DNAH8: variants seen among roughly 807,000 people sequenced by gnomAD.
DNAH8 encodes dynein axonemal heavy chain 8.
DNAH8 carries 382 observed loss-of-function variants against 562.1 expected under a neutral mutation model. The ratio of observed to expected loss-of-function variants is 0.68; its 90% CI spans 0.63 to 0.74. DNAH8 has a LOEUF of 0.74. DNAH8 is among the 30% of genes least tolerant of loss of function. The pLI, the probability that DNAH8 is intolerant of heterozygous loss-of-function variation, is 0.00. For missense variants in DNAH8, 5,203 were observed against 5,620.4 expected, an observed-to-expected ratio of 0.93 and a Z score of 2.37; for synonymous variants, 1,881 against 1,919.4, an observed-to-expected ratio of 0.98 and a Z score of 0.52.
chr6:38,962,463 G>A (rs1762666106), intron 82 of DNAH8, among the ~76,000 whole-genome samples: 1 of 152,052 alleles, frequency 6.6e-6, no homozygotes, highest in African/African-American at 2.4e-5. Context: ...AAATGAAAGG[G>A]CCAAAATTAG....
At chr6:38,735,520 G>A (rs934618115) in intron 5 of DNAH8, among the ~76,000 whole-genome samples, 1 of 152,070 alleles carries the variant, frequency 6.6e-6, no homozygotes, top group African/African-American at 2.4e-5. Context: ...GCTTTTGCTT[G>A]TTGTCTTCAA....
At chr6:38,737,027 G>A in intron 5 of DNAH8, 40 bp from the exon 6 acceptor site, 3 of 1,409,624 alleles carry the variant, frequency 2.1e-6, no homozygotes, top group Non-Finnish European at 2.8e-6. Context: ...TCTTTAGTGG[G>A]ATTAGCATGT....
At chr6:38,899,931 G>A in intron 62 of DNAH8, 25 bp downstream of exon 62, 1 of 1,505,094 alleles carries the variant, frequency 6.6e-7, no homozygotes, top group Non-Finnish European at 8.9e-7. Flanking sequence ...AACACAATAT[G>A]TTTTTCTATA....
chr6:38,729,863 C>G, intron 3 of DNAH8, 39 bp from the exon 4 acceptor site: 4 of 1,082,824 alleles, frequency 3.7e-6, no homozygotes, highest in Non-Finnish European at 5.5e-6. Context: ...AGAATTTTTC[C>G]TTAGTCGTTT....
chr6:38,968,250 A>G (rs905682994), intron 82 of DNAH8, among the ~76,000 whole-genome samples: 1 of 152,198 alleles, frequency 6.6e-6, no homozygotes, highest in South Asian at 2.1e-4. Flanking sequence ...GGTTTTCTAG[A>G]TATGAAACCA....
intron 44 of DNAH8, among the ~76,000 whole-genome samples, chr6:38,863,130 T>A (rs758576687): frequency 7.2e-5 from 11 of 152,072 alleles, no homozygotes; most frequent in Non-Finnish European, 1.6e-4. Context: ...AGGTGCAGAT[T>A]CACTATGTTT....
At chr6:38,848,596 C>A (rs763589977) in intron 36 of DNAH8, 52 bp from the exon 37 acceptor site, 3 of 1,464,908 alleles carry the variant, frequency 2.0e-6, no homozygotes, top group Non-Finnish European at 2.8e-6. Context: ...TAAGGCCATA[C>A]TATTTTCTGA....
chr6:38,717,274 C>T (rs1039234918), intron 1 of DNAH8, among the ~76,000 whole-genome samples: 1 of 152,182 alleles, frequency 6.6e-6, no homozygotes, highest in Non-Finnish European at 1.5e-5. Context: ...GTGTGCTTTG[C>T]ATCAGCAGAA....
At chr6:38,760,297 G>A (rs1288608939) in intron 10 of DNAH8, among the ~76,000 whole-genome samples, 4 of 152,074 alleles carry the variant, frequency 2.6e-5, no homozygotes, top group Non-Finnish European at 5.9e-5. Context: ...ATTGTCTCCT[G>A]GGAAGTTGAA....
intron 37 of DNAH8, among the ~76,000 whole-genome samples, chr6:38,849,831 C>T (rs1268488044): frequency 4.0e-5 from 6 of 151,728 alleles, no homozygotes; most frequent in East Asian, 3.9e-4. Context: ...TTTTTTTCCC[C>T]GCCTTGGGGT....
At chr6:38,734,406 G>A in intron 4 of DNAH8, 68 bp from the exon 5 acceptor site, 1 of 1,575,494 alleles carries the variant, frequency 6.3e-7, no homozygotes. Flanking sequence ...TAGTGTAAGA[G>A]CCACAGTAAC....
intron 88 of DNAH8, among the ~76,000 whole-genome samples, chr6:39,006,727 G>T (rs555593658): frequency 6.6e-6 from 1 of 152,298 alleles, no homozygotes; most frequent in South Asian, 2.1e-4. Context: ...ATGAGTAAAT[G>T]TTAACTAATG....
intron 30 of DNAH8, among the ~76,000 whole-genome samples, chr6:38,830,527 T>C (rs1678726): frequency 0.21 from 31,918 of 150,330 alleles, 4,243 homozygotes; most frequent in African/African-American, 0.37. Context: ...CCCAGCTACT[T>C]GGGAGGCTGA....
intron 8 of DNAH8, 50 bp from the exon 9 acceptor site, chr6:38,750,426 C>T (rs760251030): frequency 1.6e-6 from 2 of 1,246,480 alleles, no homozygotes; most frequent in Non-Finnish European, 2.3e-6. Flanking sequence ...AACTTTAGCA[C>T]ACTGATATAT....
chr6:38,927,780 A>ATTAAAT (rs1312668835), intron 74 of DNAH8, among the ~76,000 whole-genome samples: 9 of 152,138 alleles, frequency 5.9e-5, no homozygotes, highest in African/African-American at 2.2e-4. Flanking sequence ...CCATTTCTGG[A>ATTAAAT]TTAAATTTAC....
intron 36 of DNAH8, among the ~76,000 whole-genome samples, chr6:38,848,213 G>C (rs1280038853): frequency 1.3e-5 from 2 of 152,108 alleles, no homozygotes; most frequent in South Asian, 4.1e-4. Context: ...AAAATCCCTG[G>C]ATAGTGTTCT....
chr6:38,795,147 T>G (rs529056284), intron 21 of DNAH8, among the ~76,000 whole-genome samples: 1 of 152,348 alleles, frequency 6.6e-6, no homozygotes, highest in East Asian at 1.9e-4. Flanking sequence ...CCATTTTAAG[T>G]GTACAATTTA....
intron 48 of DNAH8, among the ~76,000 whole-genome samples, chr6:38,868,667 A>G (rs1777244912): frequency 6.7e-6 from 1 of 148,162 alleles, no homozygotes; most frequent in Admixed American, 6.8e-5. Flanking sequence ...TGTCATGGTT[A>G]CAGCCTGATT....
Position 38,896,360 on chromosome 6 carries a change from G to A in DNAH8, c.8940+135G>A. The A allele has an allele frequency of 2.7e-5, 19 of 703,192 alleles. No homozygotes were observed. In the South Asian group the frequency reaches 3.5e-4, roughly 13 times the overall value. The allele number at this position is 703,192 out of a possible 1,614,324, so 43.6% of individuals were successfully genotyped here. ...AGGCTGAGGTGGGAGGATTGCTTGA[G>A]CCTGGGAGTTTGAGACCAGCCTGAG... On this transcript the variant is annotated intron_variant, in intron 60 of 92. Transcript: ENST00000327475.
Sources: gnomAD v4.1 joint callset for allele counts (sites outside exome capture counted in the v4.1 genomes callset) on GRCh38, gnomAD v4.1.1 for gene constraint, MANE v1.5 for transcripts, NCBI Gene and HGNC (gene_info 2026-07-23, HGNC 2026-07-21) for gene names.